USP43: variants seen among roughly 807,000 people sequenced by gnomAD.
USP43 encodes ubiquitin carboxyl-terminal hydrolase 43.
In USP43, 33 loss-of-function variants were observed where a neutral mutation model predicts 90.7. The observed-to-expected ratio is 0.36, with a 90% CI of 0.28 to 0.49. USP43 has a LOEUF of 0.49. Among genes scored for constraint, USP43 ranks in the 20% least tolerant of loss-of-function variants. The pLI, the probability that USP43 is intolerant of heterozygous loss-of-function variation, is 0.98. For synonymous variants in USP43, 598 were observed against 615.8 expected (o/e 0.97, Z 0.43); for missense variants, 1,274 against 1,476.4 (o/e 0.86, Z 2.25).
At chr17:9,657,683 A>G (rs916809986) in intron 2 of USP43, among the ~76,000 whole-genome samples, 1 of 152,024 alleles carries the variant, frequency 6.6e-6, no homozygotes, top group Non-Finnish European at 1.5e-5. Flanking sequence ...GTGAGGGGGA[A>G]CAGCCCTTAT....
intron 12 of USP43, among the ~76,000 whole-genome samples, chr17:9,708,885 C>T (rs982958706): frequency 2.6e-5 from 4 of 152,266 alleles, no homozygotes; most frequent in African/African-American, 9.6e-5. Flanking sequence ...CCTCGGCCTC[C>T]CAAAGTGCTG....
intron 9 of USP43, among the ~76,000 whole-genome samples, chr17:9,696,673 G>A (rs1915287566): frequency 6.6e-6 from 1 of 152,192 alleles, no homozygotes; most frequent in South Asian, 2.1e-4. Context: ...CTCAAGCTAG[G>A]AACCTGGCAT....
At position 9,693,709 on chromosome 17, in the gene USP43, G is replaced by A. The variant is rs559053502; in HGVS notation, c.1457+479G>A. On this transcript the variant is annotated intron_variant, in intron 9 of 14. Transcript: ENST00000285199. ...AAAAATTAGCCGGTCGTGGTAGCACGCGCCTATAATCCTAGCTACTCAGGA... is the reference window on the plus strand; with the variant it reads ...AAAAATTAGCCGGTCGTGGTAGCACACGCCTATAATCCTAGCTACTCAGGA... 2.4e-4 allele frequency among the ~76,000 whole-genome samples: 37 copies of A among 152,126 alleles called. 1 individual carries two copies. In the South Asian group the frequency reaches 3.7e-3, roughly 15 times the overall value.
intron 7 of USP43, among the ~76,000 whole-genome samples, chr17:9,685,898 C>T (rs1319082245): frequency 6.6e-6 from 1 of 152,144 alleles, no homozygotes; most frequent in Non-Finnish European, 1.5e-5. Flanking sequence ...TGCTATAGAA[C>T]ACTAGAGCTT....
intron 10 of USP43, among the ~76,000 whole-genome samples, chr17:9,700,521 C>T (rs559320764): frequency 6.6e-6 from 1 of 152,308 alleles, no homozygotes; most frequent in African/African-American, 2.4e-5. Context: ...CACCCACCCA[C>T]TCACCCCATG....
intron 1 of USP43, among the ~76,000 whole-genome samples, chr17:9,654,419 C>T (rs918687133): frequency 1.3e-5 from 2 of 152,012 alleles, no homozygotes; most frequent in African/African-American, 2.4e-5. Context: ...GAAGCCGAGG[C>T]GGGCGGGATC....
chr17:9,718,564 T>G (rs867702915), intron 14 of USP43, among the ~76,000 whole-genome samples: 9,028 of 151,652 alleles, frequency 0.06, 450 homozygotes, highest in East Asian at 0.21. Flanking sequence ...TACGTTTCTG[T>G]GAGCAGTGGC....
At chr17:9,677,058 A>G (rs1913830880) in intron 5 of USP43, among the ~76,000 whole-genome samples, 177 bp downstream of exon 5, 2 of 152,168 alleles carry the variant, frequency 1.3e-5, no homozygotes, top group East Asian at 3.9e-4. Context: ...TTTTCCCTGC[A>G]TTGACACAGA....
At position 9,712,035 on chromosome 17, in the gene USP43, G is replaced by T. The variant is rs749662072; in HGVS notation, c.2238G>T (p.Arg746Ser). ...LRLGSHAGST[R>S]GSLLSWSSAP... ...TCGGGAGCCACGCTGGCAGCACAAG[G>T]GGAAGCCTGCTGTCCTGGAGCTCTG... Residue 746 changes from arginine to serine, a missense_variant, in exon 14 of 15, where the codon AGG becomes AGT. Physicochemically the swap from Arg to Ser is moderately radical, Grantham distance 110. Coordinates refer to ENST00000285199, the MANE Select transcript of USP43 (RefSeq NM_153210.5). 6.2e-7 allele frequency: 1 copy of T among 1,612,596 alleles called. No individual in the cohort carries two copies. Among genetic ancestry groups the T allele is most frequent in the East Asian group, 2.2e-5 (1 of 44,738 alleles).
chr17:9,703,225 G>A (rs2151989893), intron 12 of USP43, among the ~76,000 whole-genome samples: 1 of 151,596 alleles, frequency 6.6e-6, no homozygotes, highest in African/African-American at 2.4e-5. Context: ...GAGTCCCCGT[G>A]CACACATGAG....
chr17:9,684,590 C>T (rs911287510), intron 7 of USP43, among the ~76,000 whole-genome samples: 1 of 151,628 alleles, frequency 6.6e-6, no homozygotes, highest in Non-Finnish European at 1.5e-5. Context: ...ATGGAGAAAC[C>T]CCATCCCTAC....
At chr17:9,652,212 C>CAAAAAAAAAAAAAAA (rs769295315) in intron 1 of USP43, among the ~76,000 whole-genome samples, 2 of 42,708 alleles carry the variant, frequency 4.7e-5, no homozygotes, top group Admixed American at 2.5e-4. Context: ...GCCCTTAGCG[C>CAAAAAAAAAAAAAAA]AAAAAAAAAA....
intron 2 of USP43, among the ~76,000 whole-genome samples, chr17:9,660,452 A>G (rs1912565671): frequency 6.6e-6 from 1 of 152,058 alleles, no homozygotes. Flanking sequence ...CCCGACCAAT[A>G]ATTCTTTTTA....
intron 6 of USP43, among the ~76,000 whole-genome samples, chr17:9,682,564 ACT>A (rs1914354584): frequency 1.3e-5 from 2 of 152,160 alleles, no homozygotes; most frequent in African/African-American, 4.8e-5. Flanking sequence ...ACAGAGCGAG[ACT>A]CTGTCTTAAA....
At chr17:9,670,039 CTTTTT>C (rs148536442) in intron 3 of USP43, among the ~76,000 whole-genome samples, 1 of 131,554 alleles carries the variant, frequency 7.6e-6, no homozygotes. Flanking sequence ...GAGGTGACTG[CTTTTT>C]TTTTTTTTTT....
chr17:9,720,157 C>G (rs1167703921), intron 14 of USP43, among the ~76,000 whole-genome samples: 1 of 151,690 alleles, frequency 6.6e-6, no homozygotes, highest in Non-Finnish European at 1.5e-5. Flanking sequence ...GAAACCCCGT[C>G]TCTACTAAAA....
At chr17:9,687,616 A>G (rs1369261406) in intron 8 of USP43, among the ~76,000 whole-genome samples, 1 of 152,196 alleles carries the variant, frequency 6.6e-6, no homozygotes, top group African/African-American at 2.4e-5. Flanking sequence ...TGAAATTTTT[A>G]GGGACAGGTC....
Position 9,645,781 on chromosome 17 carries a change from CG to C in USP43, c.152del (p.Gly51AspfsTer53). 1 of 1,394,186 alleles carries C rather than the reference CG, an allele frequency of 7.2e-7. No individual in the cohort carries two copies. The highest frequency in any genetic ancestry group is 9.2e-7 in the Non-Finnish European group (1 of 1,082,582). The allele number at this position is 1,394,186 out of a possible 1,614,324, so 86.4% of individuals were successfully genotyped here. On this transcript the variant is annotated frameshift_variant, in exon 1 of 15. Transcript: ENST00000285199. LOFTEE classifies it high-confidence loss of function. This position sits in a 1 kb window ranked among gnomAD's most constrained non-coding sequence, Gnocchi z 6.8. ...GGGGACTCACCGCCCCGGCCCCAGC[CG>C]GGACACTGTGATGGCGACGGTGAGG... ...RPGDSPPRPQ[P>X]GHCDGDGEGG...
At chr17:9,690,639 C>G (rs985298966) in intron 8 of USP43, among the ~76,000 whole-genome samples, 1 of 152,126 alleles carries the variant, frequency 6.6e-6, no homozygotes, top group Admixed American at 6.6e-5. Flanking sequence ...ACTCCCAGCA[C>G]TTTGGGAGGC....
Sources: allele counts gnomAD v4.1 joint callset (sites outside exome capture counted in the v4.1 genomes callset), GRCh38; gene constraint gnomAD v4.1.1; non-coding constraint Gnocchi (gnomAD v3.1); transcripts MANE v1.5; gene names NCBI Gene and HGNC (gene_info 2026-07-23, HGNC 2026-07-21).